The following MAGI1 variants were observed in gnomAD, a reference collection of about 807,000 sequenced individuals.
MAGI1 encodes membrane-associated guanylate kinase, WW and PDZ domain-containing protein 1.
MAGI1 carries 58 observed loss-of-function variants against 139.9 expected under a neutral mutation model. That is an observed-to-expected ratio of 0.41 (90% CI 0.34 to 0.52). The LOEUF is 0.52. Among genes scored for constraint, MAGI1 ranks in the 20% least tolerant of loss-of-function variants. The pLI is 0.12. For missense variants in MAGI1, 1,874 were observed against 1,901.6 expected (o/e 0.99, Z 0.27); for synonymous variants, 812 against 737.9 (o/e 1.10, Z -1.63).
At chr3:65,539,810 CTTTCACCACAGTAGT>C (rs1365194564) in intron 2 of MAGI1, among the ~76,000 whole-genome samples, 5 of 152,152 alleles carry the variant, frequency 3.3e-5, no homozygotes, top group African/African-American at 1.2e-4. Context: ...TCTAATTAAC[CTTTCACCACAGTAGT>C]TTTCACCACA....
rs999823891 is a variant in MAGI1 at position 65,980,005 on chromosome 3, T to C, written c.313+57991A>G. On this transcript the variant is annotated intron_variant, in intron 1 of 22. Transcript: ENST00000402939. ...ATTCCCGGAAAAGCTGCTGAGCACATGGCCTTCAGCACATGGCCTTGTCCC... is the reference window on the plus strand; with the variant it reads ...ATTCCCGGAAAAGCTGCTGAGCACACGGCCTTCAGCACATGGCCTTGTCCC... Among the ~76,000 whole-genome samples, 5 of 152,146 alleles carry C rather than the reference T, an allele frequency of 3.3e-5. 1 individual carries two copies. The highest frequency in any genetic ancestry group is 9.7e-5 in the African/African-American group (4 of 41,446).
At chr3:65,995,729 C>G (rs943745405) in intron 1 of MAGI1, among the ~76,000 whole-genome samples, 1 of 152,234 alleles carries the variant, frequency 6.6e-6, no homozygotes, top group Non-Finnish European at 1.5e-5. Flanking sequence ...CCGGGCCCTT[C>G]TATTCCCATT....
intron 1 of MAGI1, among the ~76,000 whole-genome samples, chr3:65,656,813 C>G (rs2085900988): frequency 6.6e-6 from 1 of 151,708 alleles, no homozygotes; most frequent in African/African-American, 2.4e-5. Context: ...GCTTGGCCAA[C>G]ATGGTGAAAC....
chr3:65,360,193 A>G (rs895374382), intron 22 of MAGI1: 2 of 985,316 alleles, frequency 2.0e-6, no homozygotes, highest in Non-Finnish European at 1.2e-6. Flanking sequence ...TGCAACTGAG[A>G]ATTGTGCAGA....
intron 1 of MAGI1, among the ~76,000 whole-genome samples, chr3:65,900,995 T>C (rs534033374): frequency 3.4e-4 from 52 of 152,232 alleles, no homozygotes; most frequent in Admixed American, 1.1e-3. Flanking sequence ...AAATGAAAAA[T>C]ACCTACAGAA....
intron 1 of MAGI1, among the ~76,000 whole-genome samples, chr3:65,624,349 A>G (rs1379556364): frequency 6.6e-6 from 1 of 152,212 alleles, no homozygotes; most frequent in African/African-American, 2.4e-5. Context: ...ACTTACAAAT[A>G]GCCAAAAATT....
chr3:65,498,420 G>A (rs9812070), intron 2 of MAGI1, among the ~76,000 whole-genome samples: 59,024 of 151,502 alleles, frequency 0.39, 12,468 homozygotes, highest in East Asian at 0.75. Flanking sequence ...TAAGCACAGC[G>A]TCCAACCCCC....
chr3:65,995,795 C>T (rs763573502), intron 1 of MAGI1, among the ~76,000 whole-genome samples: 1 of 152,168 alleles, frequency 6.6e-6, no homozygotes, highest in Non-Finnish European at 1.5e-5. Context: ...TAAGTCTGTT[C>T]TCTGGGAATC....
chr3:65,548,396 G>T (rs943750098), intron 2 of MAGI1, among the ~76,000 whole-genome samples: 2 of 152,074 alleles, frequency 1.3e-5, no homozygotes, highest in African/African-American at 4.8e-5. Flanking sequence ...GACCACCAGA[G>T]GCTCAGGGCC....
intron 4 of MAGI1, among the ~76,000 whole-genome samples, chr3:65,476,280 A>C (rs1474304249): frequency 6.6e-6 from 1 of 152,190 alleles, no homozygotes; most frequent in African/African-American, 2.4e-5. Context: ...CATCACGTGC[A>C]TATCTCAAGG....
chr3:65,707,505 T>C (rs1181133116), intron 1 of MAGI1, among the ~76,000 whole-genome samples: 1 of 152,026 alleles, frequency 6.6e-6, no homozygotes, highest in Non-Finnish European at 1.5e-5. Flanking sequence ...GGCAACACAG[T>C]GAGACACTGT....
intron 2 of MAGI1, among the ~76,000 whole-genome samples, chr3:65,539,922 C>T (rs941994478): frequency 6.6e-6 from 1 of 152,152 alleles, no homozygotes; most frequent in African/African-American, 2.4e-5. Flanking sequence ...TTTCCAGGGG[C>T]TTTAAACAAA....
At chr3:65,726,587 A>T (rs1433999247) in intron 1 of MAGI1, among the ~76,000 whole-genome samples, 1 of 152,174 alleles carries the variant, frequency 6.6e-6, no homozygotes, top group Non-Finnish European at 1.5e-5. Flanking sequence ...TTCATTGGTG[A>T]TATCTCAAAA....
chr3:65,765,274 C>T (rs2037374057), intron 1 of MAGI1, among the ~76,000 whole-genome samples: 1 of 152,044 alleles, frequency 6.6e-6, no homozygotes, highest in Non-Finnish European at 1.5e-5. Flanking sequence ...GAACCTTTAC[C>T]AAAGGAGGGG....
chr3:65,947,544 ACT>A (rs2063593967), intron 1 of MAGI1, among the ~76,000 whole-genome samples: 1 of 152,178 alleles, frequency 6.6e-6, no homozygotes, highest in South Asian at 2.1e-4. Context: ...CTCAATTTAC[ACT>A]AATTATAAAT....
intron 1 of MAGI1, among the ~76,000 whole-genome samples, chr3:65,761,060 C>T (rs1287982307): frequency 1.3e-5 from 2 of 152,132 alleles, no homozygotes; most frequent in African/African-American, 4.8e-5. Context: ...TGAAGTTACG[C>T]AGATATCTGA....
intron 1 of MAGI1, among the ~76,000 whole-genome samples, chr3:65,956,745 C>G (rs1260397333): frequency 1.3e-5 from 2 of 152,254 alleles, no homozygotes; most frequent in African/African-American, 4.8e-5. Context: ...CACCTGTAAT[C>G]TCAGCACTTC....
intron 9 of MAGI1, among the ~76,000 whole-genome samples, chr3:65,438,160 A>G (rs1947979999): frequency 6.6e-6 from 1 of 152,190 alleles, no homozygotes; most frequent in Admixed American, 6.5e-5. Flanking sequence ...GATAAAGAAA[A>G]TGTGGTATGT....
At chr3:65,487,678 T>G (rs1951713864) in intron 3 of MAGI1, among the ~76,000 whole-genome samples, 1 of 152,204 alleles carries the variant, frequency 6.6e-6, no homozygotes, top group South Asian at 2.1e-4. Flanking sequence ...TCACTCTATT[T>G]GTCTGCCATC....
Sources: allele counts gnomAD v4.1 joint callset (sites outside exome capture counted in the v4.1 genomes callset), GRCh38; gene constraint gnomAD v4.1.1; transcripts MANE v1.5; gene names NCBI Gene and HGNC (gene_info 2026-07-23, HGNC 2026-07-21).